CACNA2D3: variants seen among roughly 807,000 people sequenced by gnomAD.
CACNA2D3 encodes the protein calcium voltage-gated channel auxiliary subunit alpha2delta 3, also known as voltage-dependent calcium channel subunit alpha-2/delta-3.
In CACNA2D3, 60 loss-of-function variants were observed where a neutral mutation model predicts 160.6. That is an observed-to-expected ratio of 0.37 (90% CI 0.30 to 0.46). The LOEUF is 0.46. CACNA2D3 is among the 20% of genes least tolerant of loss of function. The pLI is 1.00. For synonymous variants in CACNA2D3, 558 were observed against 492.9 expected (o/e 1.13, Z -1.75); for missense variants, 1,205 against 1,365.0 (o/e 0.88, Z 1.85).
intron 11 of CACNA2D3, among the ~76,000 whole-genome samples, chr3:54,668,762 T>A (rs529175959): frequency 6.6e-6 from 1 of 152,236 alleles, no homozygotes; most frequent in South Asian, 2.1e-4. Context: ...TTTCTGCAAG[T>A]GTTCCTTCAA....
chr3:54,946,799 G>A (rs752225380), intron 27 of CACNA2D3, among the ~76,000 whole-genome samples: 25 of 149,676 alleles, frequency 1.7e-4, no homozygotes, highest in Non-Finnish European at 3.0e-4. Context: ...TACAACTTTG[G>A]AAGTAGATGT....
intron 27 of CACNA2D3, among the ~76,000 whole-genome samples, chr3:54,902,257 T>C (rs1700351132): frequency 1.3e-5 from 2 of 152,228 alleles, no homozygotes; most frequent in African/African-American, 4.8e-5. Context: ...CTCATGTTCA[T>C]TGGCTATATA....
chr3:54,846,102 A>G (rs1220594649), intron 16 of CACNA2D3, among the ~76,000 whole-genome samples: 1 of 152,218 alleles, frequency 6.6e-6, no homozygotes, highest in Non-Finnish European at 1.5e-5. Flanking sequence ...TTGTTAAAAA[A>G]AAAAGGTAAT....
chr3:54,615,436 A>T (rs1381685037), intron 9 of CACNA2D3, among the ~76,000 whole-genome samples: 1 of 152,200 alleles, frequency 6.6e-6, no homozygotes, highest in East Asian at 1.9e-4. Flanking sequence ...AGTTAGTAAA[A>T]TCTGGATTCT....
At chr3:54,909,511 A>G (rs1037244712) in intron 27 of CACNA2D3, among the ~76,000 whole-genome samples, 1 of 152,136 alleles carries the variant, frequency 6.6e-6, no homozygotes, top group Non-Finnish European at 1.5e-5. Context: ...GAAAAAAGGG[A>G]CGGGCATGAG....
At chr3:54,885,621 G>T (rs758234142) in intron 23 of CACNA2D3, 35 bp downstream of exon 23, 1 of 1,527,816 alleles carries the variant, frequency 6.5e-7, no homozygotes, top group Admixed American at 1.7e-5. Context: ...TGTGCCTTCA[G>T]GGGTGATGGT....
At chr3:54,438,912 T>C (rs1328906815) in intron 4 of CACNA2D3, among the ~76,000 whole-genome samples, 1 of 152,208 alleles carries the variant, frequency 6.6e-6, no homozygotes, top group African/African-American at 2.4e-5. Flanking sequence ...TGGTAAGAAT[T>C]GAATATTGGA....
chr3:54,994,339 G>C (rs991424795), intron 31 of CACNA2D3, among the ~76,000 whole-genome samples: 3 of 152,148 alleles, frequency 2.0e-5, no homozygotes, highest in Admixed American at 2.0e-4. Flanking sequence ...CTGCCCCGCT[G>C]ATGTCTAATA....
intron 23 of CACNA2D3, among the ~76,000 whole-genome samples, chr3:54,886,179 G>A (rs1013493329): frequency 1.3e-5 from 2 of 152,012 alleles, no homozygotes; most frequent in Admixed American, 6.5e-5. Context: ...TTTGGGCAGG[G>A]GAGAGCCACT....
intron 26 of CACNA2D3, 181 bp downstream of exon 26, chr3:54,897,051 AG>A: frequency 3.4e-6 from 2 of 593,028 alleles, no homozygotes; most frequent in Admixed American, 6.4e-5. Flanking sequence ...ATAGCCTCAA[AG>A]AAAAGGAAGG....
intron 11 of CACNA2D3, among the ~76,000 whole-genome samples, chr3:54,689,598 A>G (rs1246309104): frequency 6.6e-6 from 1 of 152,106 alleles, no homozygotes; most frequent in Non-Finnish European, 1.5e-5. Context: ...TTCGAGAGCA[A>G]AACCCTCCTT....
At chr3:54,295,488 C>T (rs993741313) in intron 2 of CACNA2D3, among the ~76,000 whole-genome samples, 1 of 152,152 alleles carries the variant, frequency 6.6e-6, no homozygotes, top group Non-Finnish European at 1.5e-5. Flanking sequence ...ATGAGAGATC[C>T]ATCAAATATA....
chr3:54,308,466 G>A (rs1703658358), intron 2 of CACNA2D3, among the ~76,000 whole-genome samples: 2 of 152,170 alleles, frequency 1.3e-5, no homozygotes, highest in Admixed American at 1.3e-4. Flanking sequence ...AAGACTCCAA[G>A]GCCTGAGAGG....
At chr3:54,740,771 G>A (rs1701633314) in intron 11 of CACNA2D3, among the ~76,000 whole-genome samples, 1 of 152,220 alleles carries the variant, frequency 6.6e-6, no homozygotes, top group African/African-American at 2.4e-5. Context: ...AATTCCTAGT[G>A]ACAGGGAGGA....
chr3:54,601,188 A>T (rs182103692), intron 9 of CACNA2D3, among the ~76,000 whole-genome samples: 97 of 152,240 alleles, frequency 6.4e-4, no homozygotes, highest in African/African-American at 2.3e-3. Context: ...AAGAATCTTA[A>T]AGACAACATT....
At chr3:54,840,626 G>C (rs1698797894) in intron 16 of CACNA2D3, among the ~76,000 whole-genome samples, 1 of 151,218 alleles carries the variant, frequency 6.6e-6, no homozygotes. Context: ...GGTCAGGCTG[G>C]TCTTGAACTC....
rs2107528134 is a variant in CACNA2D3, at chr3:54,344,693, C to G, written c.321+24135C>G. On this transcript the variant is annotated intron_variant, in intron 3 of 37. Transcript: ENST00000474759. Reference sequence around the variant, plus strand: ...GGGGGAAGGGGAGTGTCTCAGTTTCCCCATGAGTACAGTAAATGAGTTGGA... The same window carrying G: ...GGGGGAAGGGGAGTGTCTCAGTTTCGCCATGAGTACAGTAAATGAGTTGGA... Among the ~76,000 whole-genome samples, 2 of 152,092 alleles carry G rather than the reference C, an allele frequency of 1.3e-5. 1 individual carries two copies. Among genetic ancestry groups the G allele is most frequent in the Middle Eastern group, 6.8e-3 (2 of 294 alleles).
At chr3:54,136,106 T>C (rs1268978981) in intron 2 of CACNA2D3, among the ~76,000 whole-genome samples, 1 of 152,204 alleles carries the variant, frequency 6.6e-6, no homozygotes, top group African/African-American at 2.4e-5. Flanking sequence ...TTGTGAACTC[T>C]CCTCAGATTC....
intron 4 of CACNA2D3, among the ~76,000 whole-genome samples, chr3:54,417,790 G>T (rs1327968488): frequency 8.9e-6 from 1 of 111,942 alleles, no homozygotes; most frequent in East Asian, 2.8e-4. Context: ...GTGTATCTGT[G>T]TGTGTGGGGG....
Sources: gnomAD v4.1 joint callset for allele counts (sites outside exome capture counted in the v4.1 genomes callset) on GRCh38, gnomAD v4.1.1 for gene constraint, MANE v1.5 for transcripts, NCBI Gene and HGNC (gene_info 2026-07-23, HGNC 2026-07-21) for gene names.